Variants in FRYL observed in about 807,000 individuals in gnomAD.
The protein encoded by FRYL is protein furry homolog-like.
A neutral mutation model predicts 351.2 loss-of-function variants in FRYL; 150 were observed. The observed-to-expected ratio is 0.43, with a 90% CI of 0.37 to 0.49. FRYL has a LOEUF of 0.49. FRYL is among the 20% of genes least tolerant of loss of function. FRYL has a pLI of 0.00. For missense variants in FRYL, 3,036 were observed against 3,619.3 expected (o/e 0.84, Z 4.13); for synonymous variants, 1,153 against 1,257.1 (o/e 0.92, Z 1.75).
chr4:48,653,042 CT>C (rs1758053467), intron 3 of FRYL, among the ~76,000 whole-genome samples: 1 of 152,100 alleles, frequency 6.6e-6, no homozygotes, highest in Admixed American at 6.6e-5. Context: ...GTTTTGAGAT[CT>C]TTAAAGGAAA....
At chr4:48,522,588 A>G (rs191953928) in intron 54 of FRYL, among the ~76,000 whole-genome samples, 1 of 152,346 alleles carries the variant, frequency 6.6e-6, no homozygotes, top group Non-Finnish European at 1.5e-5. Flanking sequence ...GTGGTGAATT[A>G]AATGGTGTTG....
intron 2 of FRYL, among the ~76,000 whole-genome samples, chr4:48,697,129 C>G (rs2354313): frequency 0.97 from 148,361 of 152,214 alleles, 72,415 homozygotes; most frequent in East Asian, 1. Flanking sequence ...ACCTTGTACA[C>G]TAAGGATAAT....
chr4:48,551,456 C>G (rs1441633853), intron 37 of FRYL, 38 bp downstream of exon 37: 6 of 1,156,358 alleles, frequency 5.2e-6, no homozygotes, highest in Non-Finnish European at 7.5e-6. Flanking sequence ...CAGTATCTGT[C>G]AAACTGAAAG....
At chr4:48,583,916 A>G (rs1578222777) in intron 19 of FRYL, among the ~76,000 whole-genome samples, 2 of 146,582 alleles carry the variant, frequency 1.4e-5, no homozygotes, top group African/African-American at 5.0e-5. Flanking sequence ...AAAAAAAAAG[A>G]AAAAAAAAAA....
intron 7 of FRYL, among the ~76,000 whole-genome samples, chr4:48,611,756 A>G (rs1169687058): frequency 1.3e-5 from 2 of 152,180 alleles, no homozygotes; most frequent in African/African-American, 4.8e-5. Flanking sequence ...ACATGAAATA[A>G]CTTTTAGTAA....
At chr4:48,749,543 T>G (rs1412759908) in intron 1 of FRYL, among the ~76,000 whole-genome samples, 1 of 152,102 alleles carries the variant, frequency 6.6e-6, no homozygotes, top group Non-Finnish European at 1.5e-5. Context: ...TCCTGGAAGC[T>G]CATGGTTGTC....
At chr4:48,742,973 A>ATTTTTTTTTTT (rs71191256) in intron 1 of FRYL, among the ~76,000 whole-genome samples, 10,115 of 80,800 alleles carry the variant, frequency 0.13, 1,816 homozygotes, top group Non-Finnish European at 0.18. Context: ...CGCCTGGATA[A>ATTTTTTTTTTT]TTTTTTTTTT....
In FRYL at chr4:48,589,824, G is replaced by A. The variant is rs1387594969; in HGVS notation, c.1561C>T (p.His521Tyr). 1 of 1,613,616 alleles carries A rather than the reference G, an allele frequency of 6.2e-7. No homozygotes were observed. The highest frequency in any genetic ancestry group is 1.3e-5 in the African/African-American group (1 of 75,054). ...GGTCTCCCAACTTCTTTGTCCAAAT[G>A]TCTGAGGATGCTATCTAATGCTTTT... Reference protein sequence around the residue: ...VRKALDSILRHLDKEVGRPMC... With the variant: ...VRKALDSILRYLDKEVGRPMC... Residue 521 changes from histidine (H) to tyrosine (Y), a missense_variant, in exon 18 of 64, where the codon CAT (histidine) becomes TAT (tyrosine). His to Tyr is a moderately conservative substitution (Grantham distance 83). This residue lies in a region of FRYL where 78 missense variants were observed against 106.6 expected (regional missense o/e 0.73). Coordinates refer to ENST00000358350, the MANE Select transcript of FRYL (RefSeq NM_015030.2).
intron 53 of FRYL, among the ~76,000 whole-genome samples, chr4:48,524,904 GA>G (rs1725673443): frequency 6.6e-6 from 1 of 151,962 alleles, no homozygotes; most frequent in Non-Finnish European, 1.5e-5. Context: ...ACTAACTACA[GA>G]AGAGTTTAGA....
At chr4:48,774,964 G>A (rs1332304194) in intron 1 of FRYL, among the ~76,000 whole-genome samples, 2 of 152,214 alleles carry the variant, frequency 1.3e-5, no homozygotes, top group Non-Finnish European at 2.9e-5. Flanking sequence ...CAAAATATGA[G>A]TTATTTGCTA....
In FRYL at chr4:48,548,762, G is replaced by C. The variant is rs1169311155; in HGVS notation, c.4816C>G (p.Leu1606Val). The C allele has an allele frequency of 1.2e-6, 2 of 1,611,132 alleles. No individual in the cohort carries two copies. Among genetic ancestry groups the C allele is most frequent in the East Asian group, 4.5e-5 (2 of 44,814 alleles). ...CNIAVILLTD[L>V]IIDHSVKVEW... ...ACCTTCACACTATGATCAATGATGA[G>C]ATCAGTCAAAAGGATCACTGCTATG... Residue 1606 changes from leucine (L) to valine (V), a missense_variant, in exon 40 of 64, where the codon CTC becomes GTC. By Grantham distance (32) the Leu-to-Val change is conservative. Around this residue, in one of 7 missense-constraint regions of FRYL, gnomAD observed 1,987 missense variants for 2,311.7 expected, o/e 0.86. Transcript: ENST00000358350.
At chr4:48,616,010 A>T (rs187701015) in intron 7 of FRYL, among the ~76,000 whole-genome samples, 26 of 152,272 alleles carry the variant, frequency 1.7e-4, no homozygotes, top group African/African-American at 6.0e-4. Flanking sequence ...CGGGAGTTGA[A>T]CAATGAGAAC....
At chr4:48,763,224 G>A (rs986531229) in intron 1 of FRYL, among the ~76,000 whole-genome samples, 1 of 152,054 alleles carries the variant, frequency 6.6e-6, no homozygotes, top group African/African-American at 2.4e-5. Context: ...CACTTTGAGA[G>A]GCTGAGGCAG....
intron 1 of FRYL, among the ~76,000 whole-genome samples, chr4:48,715,300 G>C (rs1237954540): frequency 6.6e-6 from 1 of 151,934 alleles, no homozygotes; most frequent in Non-Finnish European, 1.5e-5. Flanking sequence ...AGGAAATAAA[G>C]GGTATTCAAT....
chr4:48,689,568 A>G (rs993644753), intron 2 of FRYL, among the ~76,000 whole-genome samples: 2 of 152,234 alleles, frequency 1.3e-5, no homozygotes, highest in East Asian at 1.9e-4. Flanking sequence ...TACACCACAC[A>G]TAAGTTTACA....
At chr4:48,723,728 C>T (rs963305029) in intron 1 of FRYL, among the ~76,000 whole-genome samples, 3 of 151,968 alleles carry the variant, frequency 2.0e-5, no homozygotes, top group African/African-American at 7.3e-5. Context: ...CAAGGAGACT[C>T]TTAGCTGATG....
chr4:48,525,392 G>A (rs1217500094), intron 53 of FRYL, among the ~76,000 whole-genome samples: 1 of 152,084 alleles, frequency 6.6e-6, no homozygotes, highest in Non-Finnish European at 1.5e-5. Context: ...CTGACATGAA[G>A]GCATTTGCAT....
chr4:48,685,238 T>C (rs547043656), intron 2 of FRYL, among the ~76,000 whole-genome samples: 94 of 152,290 alleles, frequency 6.2e-4, no homozygotes, highest in Non-Finnish European at 1.1e-3. Context: ...TTAATAATCA[T>C]CTACTACTAT....
At chr4:48,525,974 AT>A (rs1445705055) in intron 53 of FRYL, among the ~76,000 whole-genome samples, 1 of 150,834 alleles carries the variant, frequency 6.6e-6, no homozygotes, top group East Asian at 1.9e-4. Context: ...TATGAGCTGT[AT>A]ATGAGTTGTA....
Sources: gnomAD v4.1 joint callset for allele counts (sites outside exome capture counted in the v4.1 genomes callset) on GRCh38, gnomAD v4.1.1 for gene constraint, gnomAD v4.1.1 regional missense constraint, MANE v1.5 for transcripts, NCBI Gene and HGNC (gene_info 2026-07-23, HGNC 2026-07-21) for gene names.